MACF1: variants seen among roughly 807,000 people sequenced by gnomAD.
MACF1 encodes microtubule-actin cross-linking factor 1.
Under a neutral mutation model 854.8 loss-of-function variants are expected in MACF1, and 193 were observed. That is an observed-to-expected ratio of 0.23 (90% CI 0.20 to 0.25). MACF1 has a LOEUF of 0.25. Ranked by LOEUF, MACF1 falls within the 10% of genes least tolerant of loss-of-function variation. The pLI is 1.00. For missense variants in MACF1, 7,722 were observed against 8,929.1 expected (o/e 0.86, Z 5.45); for synonymous variants, 3,185 against 3,226.7 (o/e 0.99, Z 0.44).
rs781258429 is a variant in MACF1 at position 39,429,986 on chromosome 1, GGGAGGTGGA to G, written c.17054_17062del (p.Val5685_Glu5687del). 6.2e-7 allele frequency: 1 copy of G among 1,613,852 alleles called. No individual in the cohort carries two copies. The highest frequency in any genetic ancestry group is 8.5e-7 in the Non-Finnish European group (1 of 1,179,884). ...TATGAGGAACTGACCGGGTGGCTGA[GGGAGGTGGA>G]GGAGGAGCTGGCAACCAGTGGAGGA... On this transcript the variant is annotated inframe_deletion, in exon 65 of 101. Coordinates refer to ENST00000564288, the MANE Select transcript of MACF1 (RefSeq NM_001394062.1).
At chr1:39,477,565 T>C (rs1044337323) in intron 97 of MACF1, among the ~76,000 whole-genome samples, 1 of 152,032 alleles carries the variant, frequency 6.6e-6, no homozygotes, top group African/African-American at 2.4e-5. Flanking sequence ...AGGTTGTCAG[T>C]GACCTTTGCC....
In MACF1 at chr1:39,442,479, G is replaced by T; in HGVS notation, c.19016G>T (p.Trp6339Leu). The T allele has an allele frequency of 6.2e-7, 1 of 1,614,118 alleles. No homozygotes were observed. The highest frequency in any genetic ancestry group is 8.5e-7 in the Non-Finnish European group (1 of 1,179,980). The change falls in exon 77 of 101, where the codon TGG (tryptophan) becomes TTG (leucine). Residue 6339 changes from tryptophan to leucine, a missense_variant. Physicochemically the swap from Trp to Leu is moderately conservative, Grantham distance 61. This residue lies in a region of MACF1 where 2,807 missense variants were observed against 3,235.8 expected (regional missense o/e 0.87). Coordinates refer to ENST00000564288, the MANE Select transcript of MACF1 (RefSeq NM_001394062.1). ...CATGCCTTAGAGGAACTAATGAGTTGGCTGACTCATACCGAAGAGTTGTTA... is the reference window on the plus strand; with the variant it reads ...CATGCCTTAGAGGAACTAATGAGTTTGCTGACTCATACCGAAGAGTTGTTA... The part of the protein sequence containing the change: ...FQHALEELMS[W>L]LTHTEELLDA...
At chr1:39,250,832 A>G (rs541467756) in intron 3 of MACF1, among the ~76,000 whole-genome samples, 1 of 152,270 alleles carries the variant, frequency 6.6e-6, no homozygotes, top group African/African-American at 2.4e-5. Flanking sequence ...AGGGATGGAA[A>G]TCACCCACTT....
intron 97 of MACF1, among the ~76,000 whole-genome samples, chr1:39,475,027 G>A (rs1018777671): frequency 1.3e-5 from 2 of 152,098 alleles, no homozygotes; most frequent in African/African-American, 2.4e-5. Context: ...CAGCAGGAGG[G>A]GCCAGGTGAT....
intron 42 of MACF1, among the ~76,000 whole-genome samples, chr1:39,350,269 T>C (rs1647149824): frequency 6.6e-6 from 1 of 152,296 alleles, no homozygotes; most frequent in Middle Eastern, 3.4e-3. Flanking sequence ...GCTTATATAT[T>C]GGTCTTGAGG....
intron 48 of MACF1, 147 bp from the exon 49 acceptor site, chr1:39,361,213 A>G: frequency 1.2e-6 from 1 of 853,118 alleles, no homozygotes; most frequent in East Asian, 2.6e-5. Context: ...AGGGGTGGAG[A>G]ACTAAGGTGA....
At chr1:39,212,341 G>A (rs1644526680) in intron 1 of MACF1, among the ~76,000 whole-genome samples, 1 of 152,090 alleles carries the variant, frequency 6.6e-6, no homozygotes, top group Admixed American at 6.5e-5. Context: ...TGAGGCTCAG[G>A]ACCTCTTGGG....
In MACF1 at chr1:39,084,548, A is replaced by T. The variant is rs1450665052; in HGVS notation, c.220+110A>T. On this transcript the variant is annotated intron_variant, in intron 2 of 93. Transcript: ENST00000361689. This position sits in a 1 kb window ranked among gnomAD's most constrained non-coding sequence, Gnocchi z 5.2. ...GGGTCCTCACCAGGGCCTCTGACAA[A>T]GCAGCCATCATCTGATTTGTTATTA... 7 of 802,992 alleles carry T rather than the reference A, an allele frequency of 8.7e-6. No individual in the cohort carries two copies. Among genetic ancestry groups the T allele is most frequent in the Non-Finnish European group, 1.4e-5 (7 of 508,398 alleles). 49.7% of individuals were successfully genotyped at this position (802,992 alleles called of 1,614,324 possible).
intron 58 of MACF1, chr1:39,411,242 G>A (rs374734993): frequency 5.0e-6 from 8 of 1,613,782 alleles, no homozygotes; most frequent in Middle Eastern, 1.6e-4. Flanking sequence ...GAGGATGAGC[G>A]ATGGATTATG....
intron 1 of MACF1, among the ~76,000 whole-genome samples, chr1:39,222,563 T>C (rs1489024298): frequency 6.6e-6 from 1 of 152,222 alleles, no homozygotes; most frequent in Non-Finnish European, 1.5e-5. Context: ...CTATCACGCC[T>C]TCCATGAACA....
rs143805726 is a variant in MACF1 at position 39,318,453 on chromosome 1, C to T, written c.3783C>T (p.Arg1261=). 1.1e-5 allele frequency: 18 copies of T among 1,612,856 alleles called. No individual in the cohort carries two copies. The East Asian group carries it at 3.3e-4, about 30-fold the overall frequency. ...TAGCAGTTTCCCTTTGTTCTTCTAG[C>T]CAATCTGAGCTAGAAAGTATCCAGG... ...WHRVIAQLEI[R]QSELESIQEV... Residue 1261 remains arginine (R), a splice_region_variant and synonymous_variant, in exon 30 of 101, where the codon CGC becomes CGT. Transcript: ENST00000564288.
chr1:39,427,609 C>T lies in MACF1; in HGVS notation c.16471C>T (p.His5491Tyr), dbSNP rs78918472. 3.5e-4 allele frequency: 572 copies of T among 1,613,792 alleles called. 2 individuals carry two copies. The African/African-American group carries it at 6.5e-3, about 18-fold the overall frequency. The change falls in exon 62 of 101, where the codon CAC becomes TAC. Residue 5491 changes from histidine (H) to tyrosine (Y), a missense_variant. Transcript: ENST00000564288. ...TAKIQQQIIR[H>Y]KALEEDIENH... ...CAAAATACAGCAGCAGATCATTCGGCACAAGGTAGGGAGTGGTTACAGTAA... is the reference window on the plus strand; with the variant it reads ...CAAAATACAGCAGCAGATCATTCGGTACAAGGTAGGGAGTGGTTACAGTAA...
chr1:39,385,827 G>C lies in MACF1; in HGVS notation c.14242G>C (p.Asp4748His), dbSNP rs148218837. The C allele has an allele frequency of 2.5e-6, 4 of 1,614,180 alleles. No individual in the cohort carries two copies. The highest frequency in any genetic ancestry group is 3.4e-6 in the Non-Finnish European group (4 of 1,180,046). Residue 4748 changes from aspartate to histidine, a missense_variant, in exon 57 of 101, where the codon GAT (aspartate) becomes CAT (histidine). By Grantham distance (81) the Asp-to-His change is moderately conservative. Transcript: ENST00000564288. ...GGTTAAGGAGGCTCAGACACTGTGC[G>C]ATGAACTCTCAGTGCTCATTGGTGA... ...HEVKEAQTLCDELSVLIGEQY... is the reference protein window; with the variant it reads ...HEVKEAQTLCHELSVLIGEQY...
chr1:39,158,220 G>A (rs1643728928), intron 2 of MACF1, among the ~76,000 whole-genome samples: 1 of 152,146 alleles, frequency 6.6e-6, no homozygotes, highest in African/African-American at 2.4e-5. Flanking sequence ...TGGAGTTGGG[G>A]ATATGTGGGT....
chr1:39,401,568 C>A (rs1642478412), intron 58 of MACF1, among the ~76,000 whole-genome samples: 1 of 152,132 alleles, frequency 6.6e-6, no homozygotes, highest in East Asian at 1.9e-4. Context: ...TACAGAAAGT[C>A]TTTAATTCTT....
intron 2 of MACF1, among the ~76,000 whole-genome samples, chr1:39,091,564 C>T (rs1458124194): frequency 1.3e-5 from 2 of 152,064 alleles, no homozygotes. Context: ...GGCACGATCT[C>T]GGCTTACTGC....
In MACF1 at chr1:39,359,199, C is replaced by T. The variant is rs751846256; in HGVS notation, c.12179C>T (p.Ala4060Val). 13 of 1,614,080 alleles carry T rather than the reference C, an allele frequency of 8.1e-6. No homozygotes were observed. In the South Asian group the frequency reaches 1.1e-4, roughly 14 times the overall value. Reference sequence around the variant, plus strand: ...CCTGTGGAAAAACTCCAAAAAGTAGCTCGTGACATAATGGAAATTGAAGGG... The same window carrying T: ...CCTGTGGAAAAACTCCAAAAAGTAGTTCGTGACATAATGGAAATTGAAGGG... ...QVPVEKLQKV[A>V]RDIMEIEGEP... Residue 4060 changes from alanine to valine, a missense_variant, in exon 47 of 101, where the codon GCT becomes GTT. Around this residue, in one of 15 missense-constraint regions of MACF1, gnomAD observed 2,807 missense variants for 3,235.8 expected, o/e 0.87. Transcript: ENST00000564288.
chr1:39,235,188 C>T (rs1046579703), intron 2 of MACF1, among the ~76,000 whole-genome samples: 19 of 152,254 alleles, frequency 1.2e-4, no homozygotes, highest in Admixed American at 6.5e-4. Context: ...GAGCCGAGAT[C>T]ACGCCACTGC....
intron 2 of MACF1, among the ~76,000 whole-genome samples, chr1:39,185,615 T>C (rs1644158338): frequency 1.3e-5 from 2 of 152,218 alleles, no homozygotes; most frequent in Admixed American, 1.3e-4. Flanking sequence ...TTTATTTATT[T>C]CTTGACACAG....
Sources: allele counts gnomAD v4.1 joint callset (sites outside exome capture counted in the v4.1 genomes callset), GRCh38; gene constraint gnomAD v4.1.1; regional missense constraint gnomAD v4.1.1; non-coding constraint Gnocchi (gnomAD v3.1); transcripts MANE v1.5; gene names NCBI Gene and HGNC (gene_info 2026-07-23, HGNC 2026-07-21).